The following PTPRT variants were observed in gnomAD, a reference collection of about 807,000 sequenced individuals.
PTPRT encodes the protein protein tyrosine phosphatase receptor type T.
A neutral mutation model predicts 176.8 loss-of-function variants in PTPRT; 56 were observed. The ratio of observed to expected loss-of-function variants is 0.32; its 90% confidence interval spans 0.26 to 0.40. The LOEUF is 0.40. Among genes scored for constraint, PTPRT ranks in the 10% least tolerant of loss-of-function variants. The probability of loss-of-function intolerance (pLI) is 1.00; values close to 1 mark genes in which losing one functional copy is unlikely to be tolerated. For missense variants in PTPRT, 1,540 were observed against 1,908.2 expected, an observed-to-expected ratio of 0.81 and a Z score of 3.60; for synonymous variants, 783 against 739.0, an observed-to-expected ratio of 1.06 and a Z score of -0.96.
intron 6 of PTPRT, among the ~76,000 whole-genome samples, chr20:42,753,447 A>T (rs966565191): frequency 2.0e-4 from 30 of 152,224 alleles, no homozygotes; most frequent in African/African-American, 7.2e-4. Flanking sequence ...AAAACTGATA[A>T]CCTATGCCAA....
intron 7 of PTPRT, among the ~76,000 whole-genome samples, chr20:42,496,992 C>T (rs374347417): frequency 6.6e-6 from 1 of 152,062 alleles, no homozygotes; most frequent in African/African-American, 2.4e-5. Flanking sequence ...TTCTAGGGGG[C>T]CAGAGGTATT....
intron 1 of PTPRT, among the ~76,000 whole-genome samples, chr20:43,036,241 T>G (rs1986375051): frequency 6.6e-6 from 1 of 152,206 alleles, no homozygotes; most frequent in African/African-American, 2.4e-5. Context: ...TGTATCCTGG[T>G]GTCTCACTGT....
chr20:43,130,406 CT>C (rs1157366058), intron 1 of PTPRT, among the ~76,000 whole-genome samples: 16 of 152,184 alleles, frequency 1.1e-4, no homozygotes, highest in Admixed American at 5.9e-4. Context: ...TTGGTACCCC[CT>C]GGTACCAATT....
intron 13 of PTPRT, among the ~76,000 whole-genome samples, chr20:42,278,767 A>C (rs1195981599): frequency 6.6e-6 from 1 of 152,182 alleles, no homozygotes; most frequent in Non-Finnish European, 1.5e-5. Flanking sequence ...ATCTTCTACC[A>C]GATGGGATAA....
chr20:42,921,118 T>C (rs1979120165), intron 1 of PTPRT, among the ~76,000 whole-genome samples: 1 of 152,148 alleles, frequency 6.6e-6, no homozygotes, highest in Admixed American at 6.5e-5. Flanking sequence ...ATTCCGATAA[T>C]TATAAGCATG....
chr20:42,754,878 A>G (rs569890393), intron 6 of PTPRT, among the ~76,000 whole-genome samples: 42 of 152,286 alleles, frequency 2.8e-4, no homozygotes, highest in African/African-American at 1.0e-3. Context: ...ACAGGCGAAC[A>G]CTAACACTTC....
At chr20:42,265,462 G>A (rs748905428) in intron 13 of PTPRT, among the ~76,000 whole-genome samples, 15 of 152,324 alleles carry the variant, frequency 9.8e-5, no homozygotes, top group Non-Finnish European at 1.9e-4. Context: ...TCCATAGCAT[G>A]TAGGAAGTAT....
At chr20:42,500,327 C>A (rs917803502) in intron 7 of PTPRT, among the ~76,000 whole-genome samples, 42 of 151,932 alleles carry the variant, frequency 2.8e-4, no homozygotes, top group Admixed American at 2.8e-3. Flanking sequence ...CTACTCACTA[C>A]CCCCATCAGC....
intron 9 of PTPRT, among the ~76,000 whole-genome samples, chr20:42,430,054 T>C (rs1170613538): frequency 2.6e-5 from 4 of 152,232 alleles, no homozygotes; most frequent in Non-Finnish European, 4.4e-5. Flanking sequence ...GGATTTTAAA[T>C]GGTACAGTGT....
intron 7 of PTPRT, among the ~76,000 whole-genome samples, chr20:42,603,003 C>T (rs1397695966): frequency 2.0e-5 from 3 of 152,140 alleles, no homozygotes; most frequent in African/African-American, 7.2e-5. Flanking sequence ...GCTCTGTTCC[C>T]TTCACTCCTC....
chr20:43,148,440 T>C (rs567532740), intron 1 of PTPRT, among the ~76,000 whole-genome samples: 17 of 152,160 alleles, frequency 1.1e-4, no homozygotes, highest in Non-Finnish European at 2.1e-4. Flanking sequence ...AGCACTGTTG[T>C]TGTATGTCTC....
At chr20:43,093,254 T>C (rs1396131267) in intron 1 of PTPRT, among the ~76,000 whole-genome samples, 2 of 152,182 alleles carry the variant, frequency 1.3e-5, no homozygotes, top group African/African-American at 2.4e-5. Context: ...TTCCACCCCA[T>C]AAAATACACA....
intron 6 of PTPRT, among the ~76,000 whole-genome samples, chr20:42,706,308 T>G (rs1018132931): frequency 1.2e-4 from 18 of 151,910 alleles, no homozygotes; most frequent in African/African-American, 3.9e-4. Context: ...AATGCTGGAC[T>G]TCCCACCATA....
At chr20:42,184,555 C>CTTCTTG (rs1268355125) in intron 16 of PTPRT, among the ~76,000 whole-genome samples, 2 of 116,890 alleles carry the variant, frequency 1.7e-5, no homozygotes, top group Non-Finnish European at 3.4e-5. Flanking sequence ...TCTTCTTCTT[C>CTTCTTG]TTCTTATTCT....
chr20:43,079,892 C>G (rs1392231103), intron 1 of PTPRT, among the ~76,000 whole-genome samples: 3 of 152,138 alleles, frequency 2.0e-5, no homozygotes, highest in Non-Finnish European at 4.4e-5. Context: ...AGAGTAGTAG[C>G]AATCATCATG....
chr20:42,819,104 T>C (rs2077843616), intron 2 of PTPRT, among the ~76,000 whole-genome samples: 1 of 152,088 alleles, frequency 6.6e-6, no homozygotes. Context: ...AGTCATCAGA[T>C]TCTCCAAGGT....
At chr20:42,952,029 G>A (rs574127739) in intron 1 of PTPRT, among the ~76,000 whole-genome samples, 1 of 152,326 alleles carries the variant, frequency 6.6e-6, no homozygotes, top group African/African-American at 2.4e-5. Flanking sequence ...TATGAGCTGT[G>A]AGGAATACTA....
intron 7 of PTPRT, among the ~76,000 whole-genome samples, chr20:42,561,860 C>A (rs532713362): frequency 1.3e-5 from 2 of 152,328 alleles, no homozygotes; most frequent in East Asian, 3.9e-4. Flanking sequence ...GGACTGCTGC[C>A]TCATTGACTG....
At chr20:42,791,757 G>T (rs975124090) in intron 2 of PTPRT, among the ~76,000 whole-genome samples, 5 of 152,236 alleles carry the variant, frequency 3.3e-5, no homozygotes, top group Non-Finnish European at 7.3e-5. Context: ...AGAAAACATA[G>T]CTACTATTAC....
Sources: gnomAD v4.1 joint callset for allele counts (sites outside exome capture counted in the v4.1 genomes callset) on GRCh38, gnomAD v4.1.1 for gene constraint, MANE v1.5 for transcripts, NCBI Gene and HGNC (gene_info 2026-07-23, HGNC 2026-07-21) for gene names.